The following NFKBIA variants were observed in gnomAD, a reference collection of about 807,000 sequenced individuals.
NFKBIA encodes NF-kappa-B inhibitor alpha.
Under a neutral mutation model 36.3 loss-of-function variants are expected in NFKBIA, and 10 were observed. The ratio of observed to expected loss-of-function variants is 0.28; its 90% confidence interval spans 0.17 to 0.47. The LOEUF (loss-of-function observed/expected upper bound fraction) is 0.47. Ranked by LOEUF, NFKBIA falls within the 20% of genes least tolerant of loss-of-function variation. The pLI, the probability that NFKBIA is intolerant of heterozygous loss-of-function variation, is 0.99. For missense variants in NFKBIA, 355 were observed against 399.3 expected (o/e 0.89, Z 0.94); for synonymous variants, 205 against 164.4 (o/e 1.25, Z -1.89).
At position 35,402,475 on chromosome 14, in the gene NFKBIA, T is replaced by A; in HGVS notation, c.825A>T (p.Glu275Asp). The A allele has an allele frequency of 6.2e-7, 1 of 1,614,162 alleles. No homozygotes were observed. Among genetic ancestry groups the A allele is most frequent in the Non-Finnish European group, 8.5e-7 (1 of 1,180,038 alleles). The stretch of plus-strand genomic sequence containing the variant: ...CACTCTCTGGCAGCATCTGAAGGTT[T>A]TCTAGTGTCAGCTGGCCCAGCTGCT... Reference protein sequence around the residue: ...IQQQLGQLTLENLQMLPESED... With the variant: ...IQQQLGQLTLDNLQMLPESED... The change falls in exon 5 of 6, where the codon GAA becomes GAT. Residue 275 changes from glutamate to aspartate, a missense_variant. Coordinates refer to ENST00000216797, the MANE Select transcript of NFKBIA (RefSeq NM_020529.3).
chr14:35,403,383 A>G (rs1455360243), intron 2 of NFKBIA, 23 bp from the exon 3 acceptor site: 2 of 1,613,138 alleles, frequency 1.2e-6, no homozygotes, highest in East Asian at 2.2e-5. Context: ...GAGAGACCAG[A>G]GAAAGTAAGC....
At chr14:35,404,376 C>T in intron 1 of NFKBIA, 42 bp downstream of exon 1, 2 of 1,331,334 alleles carry the variant, frequency 1.5e-6, no homozygotes, top group Non-Finnish European at 2.0e-6. Flanking sequence ...GCGCGCGTCC[C>T]GCCCTCCCGA....
At position 35,404,498 on chromosome 14, in the gene NFKBIA, C is replaced by T. The variant is rs2138834132; in HGVS notation, c.147G>A (p.Leu49=). The part of the protein sequence containing the change: ...DEEYEQMVKE[L]QEIRLEPQEV... ...CCTGCGGCTCGAGGCGGATCTCCTG[C>T]AGCTCCTTGACCATCTGCTCGTACT... Residue 49 remains leucine, a synonymous_variant, in exon 1 of 6, where the codon CTG becomes CTA. Transcript: ENST00000216797. 3 of 1,603,862 alleles carry T rather than the reference C, an allele frequency of 1.9e-6. No individual in the cohort carries two copies. Among genetic ancestry groups the T allele is most frequent in the Non-Finnish European group, 2.6e-6 (3 of 1,175,668 alleles).
Position 35,402,400 on chromosome 14 carries a change from C to T in NFKBIA, c.900G>A (p.Glu300=), listed in dbSNP as rs1404475400. 6.2e-7 allele frequency: 1 copy of T among 1,614,030 alleles called. No individual in the cohort carries two copies. Among genetic ancestry groups the T allele is most frequent in the African/African-American group, 1.3e-5 (1 of 74,922 alleles). ...DTESEFTEFT[E]DELPYDDCVF... Reference sequence around the variant, plus strand: ...AAGGAGTTCACAGACTCACCTCGTCCTCTGTGAACTCCGTGAACTCTGACT... The same window carrying T: ...AAGGAGTTCACAGACTCACCTCGTCTTCTGTGAACTCCGTGAACTCTGACT... Residue 300 remains glutamate, a synonymous_variant, in exon 5 of 6, where the codon GAG becomes GAA. Coordinates refer to ENST00000216797, the MANE Select transcript of NFKBIA (RefSeq NM_020529.3).
intron 2 of NFKBIA, 127 bp downstream of exon 2, chr14:35,403,563 G>A: frequency 2.3e-6 from 2 of 870,684 alleles, no homozygotes; most frequent in African/African-American, 1.7e-5. Context: ...GATGTGGGCT[G>A]ATGTGAAGTA....
At position 35,402,048 on chromosome 14, in the gene NFKBIA, C is replaced by T. The variant is rs1295773885; in HGVS notation, c.919G>A (p.Asp307Asn). Reference protein sequence around the residue: ...EFTEDELPYDDCVFGGQRLTL With the variant: ...EFTEDELPYDNCVFGGQRLTL Reference sequence around the variant, plus strand: ...AGACGCTGGCCTCCAAACACACAGTCATCATAGGGCAGCTGAAAACAAGGG... The same window carrying T: ...AGACGCTGGCCTCCAAACACACAGTTATCATAGGGCAGCTGAAAACAAGGG... Residue 307 changes from aspartate to asparagine, a missense_variant, in exon 6 of 6, where the codon GAC becomes AAC. Transcript: ENST00000216797. The T allele has an allele frequency of 6.2e-7, 1 of 1,613,922 alleles. No homozygotes were observed. Among genetic ancestry groups the T allele is most frequent in the Admixed American group, 1.7e-5 (1 of 59,988 alleles).
At chr14:35,404,112 G>A (rs996478580) in intron 1 of NFKBIA, 6 of 399,770 alleles carry the variant, frequency 1.5e-5, no homozygotes, top group Middle Eastern at 7.5e-4. Flanking sequence ...TTATGCAACC[G>A]GGGACTTCGC....
rs1347828578 is a variant in NFKBIA, at chr14:35,404,595, C to T, written c.50G>A (p.Arg17His). The stretch of plus-strand genomic sequence containing the variant: ...TAGCCGCTCCTTCTTCAGCCCGTCG[C>T]GGGGGCCCTCCATGGCCCACTCCTG... Reference protein sequence around the residue: ...RPQEWAMEGPRDGLKKERLLD... With the variant: ...RPQEWAMEGPHDGLKKERLLD... The change falls in exon 1 of 6, where the codon CGC becomes CAC. Residue 17 changes from arginine (R) to histidine (H), a missense_variant. By Grantham distance (29) the Arg-to-His change is conservative. Coordinates refer to ENST00000216797, the MANE Select transcript of NFKBIA (RefSeq NM_020529.3). 4 of 1,577,122 alleles carry T rather than the reference C, an allele frequency of 2.5e-6. No individual in the cohort carries two copies. Among genetic ancestry groups the T allele is most frequent in the Non-Finnish European group, 3.4e-6 (4 of 1,163,400 alleles).
rs769557443 is a variant in NFKBIA at position 35,404,633 on chromosome 14, C to A, written c.12G>T (p.Ala4=). 3.3e-6 allele frequency: 5 copies of A among 1,509,186 alleles called. No homozygotes were observed. The highest frequency in any genetic ancestry group is 4.4e-6 in the Non-Finnish European group (5 of 1,128,214). 93.5% of individuals were successfully genotyped at this position (1,509,186 alleles called of 1,614,324 possible). MFQ[A]AERPQEWAME... ...TGGCCCACTCCTGGGGGCGCTCGGC[C>A]GCCTGGAACATGGCGCGGACGAGCT... The change falls in exon 1 of 6, where the codon GCG becomes GCT. Residue 4 remains alanine (A), a synonymous_variant. Coordinates refer to ENST00000216797, the MANE Select transcript of NFKBIA (RefSeq NM_020529.3).
At chr14:35,402,951 G>A (rs948553855) in intron 3 of NFKBIA, 92 bp from the exon 4 acceptor site, 37 of 1,361,808 alleles carry the variant, frequency 2.7e-5, no homozygotes, top group African/African-American at 4.3e-5. Flanking sequence ...CTTATCTTCT[G>A]AATTTTAAGA....
At chr14:35,402,694 G>A in intron 4 of NFKBIA, 31 bp from the exon 5 acceptor site, 2 of 1,614,214 alleles carry the variant, frequency 1.2e-6, no homozygotes, top group Non-Finnish European at 1.7e-6. Context: ...AGATGCTTAT[G>A]GCTGCATTTG....
intron 2 of NFKBIA, 105 bp downstream of exon 2, chr14:35,403,585 T>TG: frequency 1.1e-6 from 1 of 895,074 alleles, no homozygotes; most frequent in Non-Finnish European, 1.8e-6. Flanking sequence ...AAGGTGAGGG[T>TG]AAATAGTGCT....
intron 3 of NFKBIA, 101 bp from the exon 4 acceptor site, chr14:35,402,960 G>A: frequency 7.5e-7 from 1 of 1,334,040 alleles, no homozygotes; most frequent in Admixed American, 1.9e-5. Flanking sequence ...TGAATTTTAA[G>A]AACCCACAGT....
intron 1 of NFKBIA, 96 bp downstream of exon 1, chr14:35,404,322 C>T (rs1594427696): frequency 4.5e-6 from 4 of 892,214 alleles, no homozygotes; most frequent in East Asian, 4.0e-5. Flanking sequence ...CATCGCTGGT[C>T]CCCCGGCTCG....
intron 3 of NFKBIA, 85 bp from the exon 4 acceptor site, chr14:35,402,944 A>G (rs2052744152): frequency 1.4e-6 from 2 of 1,403,008 alleles, no homozygotes; most frequent in African/African-American, 1.4e-5. Flanking sequence ...AAGTAGTCTT[A>G]TCTTCTGAAT....
chr14:35,403,433 G>A, intron 2 of NFKBIA, 73 bp from the exon 3 acceptor site: 1 of 1,518,736 alleles, frequency 6.6e-7, no homozygotes, highest in Non-Finnish European at 9.1e-7. Context: ...CTCAACCCGT[G>A]TCTCCTGGTT....
chr14:35,404,245 G>A (rs1287000761), intron 1 of NFKBIA, 173 bp downstream of exon 1: 1 of 353,644 alleles, frequency 2.8e-6, no homozygotes, highest in Admixed American at 5.1e-5. Context: ...GCCCCGCGCG[G>A]CCCTGCAGCC....
In NFKBIA at chr14:35,402,074, GA is replaced by G. The variant is rs775742609; in HGVS notation, c.907-15del. ...ATCATAGGGCAGCTGAAAACAAGGG[GA>G]AAAAAGACACGTTAAGCTTCCGGAG... On this transcript the variant is annotated splice_polypyrimidine_tract_variant and intron_variant, in intron 5 of 5. Coordinates refer to ENST00000216797, the MANE Select transcript of NFKBIA (RefSeq NM_020529.3). 1.2e-6 allele frequency: 2 copies of G among 1,613,942 alleles called. No individual in the cohort carries two copies. Among genetic ancestry groups the G allele is most frequent in the Non-Finnish European group, 1.7e-6 (2 of 1,179,992 alleles).
intron 1 of NFKBIA, 48 bp downstream of exon 1, chr14:35,404,370 G>A (rs1229654269): frequency 3.8e-6 from 3 of 779,252 alleles, no homozygotes; most frequent in Non-Finnish European, 5.8e-6. Context: ...CAGGCCGCGC[G>A]CGTCCCGCCC....
Sources: allele counts gnomAD v4.1 joint callset, GRCh38; gene constraint gnomAD v4.1.1; transcripts MANE v1.5; gene names NCBI Gene and HGNC (gene_info 2026-07-23, HGNC 2026-07-21).